The following POLR3A variants were observed in gnomAD, a reference collection of about 807,000 sequenced individuals.
POLR3A encodes DNA-directed RNA polymerase III subunit RPC1.
POLR3A carries 112 observed loss-of-function variants against 152.8 expected under a neutral mutation model. The ratio of observed to expected loss-of-function variants is 0.73; its 90% confidence interval spans 0.63 to 0.86. The LOEUF is 0.86. Ranked by LOEUF, POLR3A falls within the 40% of genes least tolerant of loss-of-function variation. The pLI, the probability that POLR3A is intolerant of heterozygous loss-of-function variation, is 0.00. For synonymous variants in POLR3A, 615 were observed against 652.1 expected (o/e 0.94, Z 0.87); for missense variants, 1,385 against 1,743.1 (o/e 0.79, Z 3.66).
chr10:77,983,341 G>C (rs898506359), intron 26 of POLR3A, among the ~76,000 whole-genome samples: 1 of 152,214 alleles, frequency 6.6e-6, no homozygotes, highest in Non-Finnish European at 1.5e-5. Context: ...ATGCGTGAGA[G>C]AACGAGCTGA....
At chr10:77,978,660 G>GGTTTTTTTTTTTTT (rs1554837283) in intron 30 of POLR3A, among the ~76,000 whole-genome samples, 1 of 135,744 alleles carries the variant, frequency 7.4e-6, no homozygotes, top group African/African-American at 2.8e-5. Context: ...CTTCATGCTA[G>GGTTTTTTTTTTTTT]TTTTTTTTTT....
At position 77,999,716 on chromosome 10, in the gene POLR3A, T is replaced by C. The variant is rs140266088; in HGVS notation, c.2616+265A>G. On this transcript the variant is annotated intron_variant, in intron 19 of 30. Coordinates refer to ENST00000372371, the MANE Select transcript of POLR3A (RefSeq NM_007055.4). ...TGAGGTTGAATGACATATCCCACAA[T>C]GTACTTCCATCCATGTTCTCCTCTA... Among the ~76,000 whole-genome samples the C allele has an allele frequency of 5.8e-4, 89 of 152,326 alleles. No individual in the cohort carries two copies. Among genetic ancestry groups the C allele is most frequent in the Non-Finnish European group, 1.2e-3 (79 of 68,034 alleles).
intron 25 of POLR3A, 71 bp downstream of exon 25, chr10:77,984,134 A>G: frequency 7.9e-7 from 1 of 1,262,320 alleles, no homozygotes; most frequent in African/African-American, 1.5e-5. Context: ...AATAGATGGC[A>G]GCTGATTTTT....
chr10:77,977,647 C>T, intron 30 of POLR3A, 21 bp from the exon 31 acceptor site: 1 of 1,604,958 alleles, frequency 6.2e-7, no homozygotes, highest in Non-Finnish European at 8.5e-7. Flanking sequence ...CCAGAATGAA[C>T]ATCAGAGAGC....
At chr10:78,024,725 C>G in intron 4 of POLR3A, 22 bp from the exon 5 acceptor site, 1 of 1,600,000 alleles carries the variant, frequency 6.3e-7, no homozygotes, top group Non-Finnish European at 8.6e-7. Flanking sequence ...AGTTTATTTA[C>G]CAAGAAATAA....
At chr10:78,001,679 T>C (rs554805894) in intron 17 of POLR3A, among the ~76,000 whole-genome samples, 1 of 152,308 alleles carries the variant, frequency 6.6e-6, no homozygotes, top group South Asian at 2.1e-4. Context: ...CATCATTAAG[T>C]ACATTAAAAA....
intron 5 of POLR3A, among the ~76,000 whole-genome samples, chr10:78,023,704 G>C (rs1158970372): frequency 6.6e-6 from 1 of 151,910 alleles, no homozygotes; most frequent in Non-Finnish European, 1.5e-5. Flanking sequence ...CTTGAGCCTA[G>C]GAGGTCGGGG....
Position 78,004,720 on chromosome 10 carries a change from A to G in POLR3A, c.2243T>C (p.Leu748Pro). 1 of 1,612,750 alleles carries G rather than the reference A, an allele frequency of 6.2e-7. No individual in the cohort carries two copies. The highest frequency in any genetic ancestry group is 8.5e-7 in the Non-Finnish European group (1 of 1,179,742). ...GAACCAAAGGGCCGGGCTCACCTCC[A>G]GGGTCTCCTCAGCAGTGCAGCCAGG... ...QQPGCTAEETLEALILKELSV... is the reference protein window; with the variant it reads ...QQPGCTAEETPEALILKELSV... Residue 748 changes from leucine to proline, a missense_variant, in exon 16 of 31, where the codon CTG becomes CCG. Around this residue, in one of 7 missense-constraint regions of POLR3A, gnomAD observed 170 missense variants for 231.2 expected, o/e 0.74. Transcript: ENST00000372371.
In POLR3A at chr10:77,977,095, G is replaced by C. The variant is rs892811246; in HGVS notation, c.*383C>G. On this transcript the variant is annotated 3_prime_UTR_variant, in exon 31 of 31. Coordinates refer to ENST00000372371, the MANE Select transcript of POLR3A (RefSeq NM_007055.4). ...CCTGGCCTGTGTGGGGCTCAGGCCT[G>C]GCTCATCGTCAGGTGTGAAGACACC... The C allele has an allele frequency of 3.6e-6, 1 of 279,662 alleles. No homozygotes were observed. The highest frequency in any genetic ancestry group is 7.0e-6 in the Non-Finnish European group (1 of 143,680). 17.3% of individuals were successfully genotyped at this position (279,662 alleles called of 1,614,324 possible).
intron 19 of POLR3A, among the ~76,000 whole-genome samples, chr10:77,996,487 A>C (rs541888265): frequency 0.02 from 3,039 of 152,216 alleles, 39 homozygotes; most frequent in Non-Finnish European, 0.027. Context: ...GATATCACCA[A>C]CGATCCCACA....
At chr10:77,982,462 AG>A in intron 27 of POLR3A, 144 bp from the exon 28 acceptor site, 1 of 934,870 alleles carries the variant, frequency 1.1e-6, no homozygotes, top group East Asian at 2.5e-5. Flanking sequence ...GAAGTTGTTC[AG>A]GGGACTGCAC....
At chr10:77,999,074 TCTCA>T (rs1450604112) in intron 19 of POLR3A, among the ~76,000 whole-genome samples, 3 of 152,128 alleles carry the variant, frequency 2.0e-5, no homozygotes. Context: ...TGCCGCATGT[TCTCA>T]CTCATAGGTG....
At chr10:77,978,554 C>T (rs1380169327) in intron 30 of POLR3A, among the ~76,000 whole-genome samples, 1 of 152,230 alleles carries the variant, frequency 6.6e-6, no homozygotes, top group African/African-American at 2.4e-5. Flanking sequence ...GCCCTATTGT[C>T]AGGCAGACTT....
chr10:77,985,307 A>G lies in POLR3A; in HGVS notation c.3105T>C (p.Ala1035=), dbSNP rs1010771258. 6.2e-7 allele frequency: 1 copy of G among 1,614,140 alleles called. No homozygotes were observed. Among genetic ancestry groups the G allele is most frequent in the Non-Finnish European group, 8.5e-7 (1 of 1,179,956 alleles). ...GCTCACCAATGCTCTGGGCACACAG[A>G]GCACCCACTGCAGAACCTGGCTCCA... The part of the protein sequence containing the change: ...AQMEPGSAVG[A]LCAQSIGEPG... The change falls in exon 24 of 31, where the codon GCT becomes GCC. Residue 1035 remains alanine, a synonymous_variant. Coordinates refer to ENST00000372371, the MANE Select transcript of POLR3A (RefSeq NM_007055.4).
At position 77,988,762 on chromosome 10, in the gene POLR3A, G is replaced by A. The variant is rs12355945; in HGVS notation, c.2901+2292C>T. On this transcript the variant is annotated intron_variant, in intron 21 of 30. Transcript: ENST00000372371. ...TTTTTCCTCTATATATTCAGTATAA[G>A]AGGGGGCTTTGCCTGGCAGTGGCTG... Among the ~76,000 whole-genome samples, 304 of 152,306 alleles carry A rather than the reference G, an allele frequency of 2.0e-3. 1 individual carries two copies. The highest frequency in any genetic ancestry group is 3.8e-3 in the Non-Finnish European group (258 of 68,038).
chr10:78,021,615 G>T lies in POLR3A; in HGVS notation c.1116C>A (p.Asp372Glu). The change falls in exon 8 of 31, where the codon GAC becomes GAA. Residue 372 changes from aspartate (D) to glutamate (E), a missense_variant. Physicochemically the swap from Asp to Glu is conservative, Grantham distance 45 (BLOSUM62 2). Around this residue, in one of 7 missense-constraint regions of POLR3A, gnomAD observed 493 missense variants for 647.5 expected, o/e 0.76. Coordinates refer to ENST00000372371, the MANE Select transcript of POLR3A (RefSeq NM_007055.4). ...CTACCTCATCAATCCGGAGGTTGGGGTCGGGCGAGATGACTGTTCTGCCAG... is the reference window on the plus strand; with the variant it reads ...CTACCTCATCAATCCGGAGGTTGGGTTCGGGCGAGATGACTGTTCTGCCAG... ...DFSGRTVISP[D>E]PNLRIDEVAV... The T allele has an allele frequency of 6.2e-7, 1 of 1,614,128 alleles. No individual in the cohort carries two copies. The highest frequency in any genetic ancestry group is 8.5e-7 in the Non-Finnish European group (1 of 1,179,986).
At chr10:77,977,732 GC>G in intron 30 of POLR3A, 106 bp from the exon 31 acceptor site, 2 of 922,044 alleles carry the variant, frequency 2.2e-6, no homozygotes, top group South Asian at 2.7e-5. Flanking sequence ...GTGAGTCCCA[GC>G]GCCACTCCAC....
chr10:78,009,224 C>G (rs929943714), intron 14 of POLR3A, among the ~76,000 whole-genome samples: 2 of 151,386 alleles, frequency 1.3e-5, no homozygotes, highest in Non-Finnish European at 1.5e-5. Context: ...CCCCCCCCGC[C>G]GCCAAAAAGA....
In POLR3A at chr10:77,982,704, G is replaced by C; in HGVS notation, c.3543C>G (p.Ser1181Arg). 1 of 1,613,878 alleles carries C rather than the reference G, an allele frequency of 6.2e-7. No homozygotes were observed. The highest frequency in any genetic ancestry group is 8.5e-7 in the Non-Finnish European group (1 of 1,179,948). The change falls in exon 27 of 31, where the codon AGC becomes AGG. Residue 1181 changes from serine (S) to arginine (R), a missense_variant. Ser to Arg is a moderately radical substitution (Grantham distance 110). Coordinates refer to ENST00000372371, the MANE Select transcript of POLR3A (RefSeq NM_007055.4). ...AVVCVTPREN[S>R]KSSMYYVLQF... ...GCAGCACGTAGTACATGGAGCTCTTGCTGTTCTCTCTGGGGGTGACACACA... is the reference window on the plus strand; with the variant it reads ...GCAGCACGTAGTACATGGAGCTCTTCCTGTTCTCTCTGGGGGTGACACACA...
Sources: gnomAD v4.1 joint callset for allele counts (sites outside exome capture counted in the v4.1 genomes callset) on GRCh38, gnomAD v4.1.1 for gene constraint, gnomAD v4.1.1 regional missense constraint, MANE v1.5 for transcripts, NCBI Gene and HGNC (gene_info 2026-07-23, HGNC 2026-07-21) for gene names.